FRMD4B: variants seen among roughly 807,000 people sequenced by gnomAD.
FRMD4B encodes the protein FERM domain-containing protein 4B.
In FRMD4B, 74 loss-of-function variants were observed where a neutral mutation model predicts 141.5. The ratio of observed to expected loss-of-function variants is 0.52; its 90% CI spans 0.43 to 0.63. FRMD4B has a LOEUF of 0.63. Ranked by LOEUF, FRMD4B falls within the 30% of genes least tolerant of loss-of-function variation. The probability of loss-of-function intolerance (pLI) is 0.00; values close to 1 mark genes in which losing one functional copy is unlikely to be tolerated. For missense variants in FRMD4B, 1,366 were observed against 1,253.4 expected, an observed-to-expected ratio of 1.09 and a Z score of -1.36; for synonymous variants, 506 against 467.9, an observed-to-expected ratio of 1.08 and a Z score of -1.05.
At chr3:69,200,036 T>C (rs552486338) in intron 11 of FRMD4B, among the ~76,000 whole-genome samples, 1 of 152,282 alleles carries the variant, frequency 6.6e-6, no homozygotes, top group South Asian at 2.1e-4. Context: ...TAAAATTATG[T>C]TCAAAGAATC....
intron 4 of FRMD4B, among the ~76,000 whole-genome samples, chr3:69,300,947 G>A (rs1015264736): frequency 5.3e-5 from 8 of 152,210 alleles, no homozygotes; most frequent in African/African-American, 1.9e-4. Flanking sequence ...TGTTGGCCAG[G>A]CTGGTCTCAT....
chr3:69,337,546 C>T (rs1429729651), intron 1 of FRMD4B, among the ~76,000 whole-genome samples: 1 of 152,160 alleles, frequency 6.6e-6, no homozygotes, highest in Non-Finnish European at 1.5e-5. Flanking sequence ...AAAATTTTTG[C>T]ATCCTACTCA....
intron 1 of FRMD4B, among the ~76,000 whole-genome samples, chr3:69,436,333 T>C (rs1032086625): frequency 1.3e-5 from 2 of 152,176 alleles, no homozygotes; most frequent in African/African-American, 2.4e-5. Context: ...GACGGAAATA[T>C]ATACAATGCT....
chr3:69,390,817 T>G (rs1258639085), upstream of FRMD4B, among the ~76,000 whole-genome samples: 3 of 152,116 alleles, frequency 2.0e-5, no homozygotes, highest in Admixed American at 2.0e-4. Flanking sequence ...TGCTTGAACC[T>G]GGAAGGTGGA....
intron 1 of FRMD4B, among the ~76,000 whole-genome samples, chr3:69,345,070 G>A (rs368577403): frequency 6.6e-6 from 1 of 152,056 alleles, no homozygotes; most frequent in African/African-American, 2.4e-5. Flanking sequence ...AAGGGGTCAG[G>A]GAATTCCCTT....
At chr3:69,502,554 T>C (rs1008452650) in intron 1 of FRMD4B, among the ~76,000 whole-genome samples, 1 of 152,178 alleles carries the variant, frequency 6.6e-6, no homozygotes. Flanking sequence ...AAGACTTAAA[T>C]GTTAGAACTA....
chr3:69,369,112 C>G (rs1703752868), intron 1 of FRMD4B, among the ~76,000 whole-genome samples: 1 of 152,140 alleles, frequency 6.6e-6, no homozygotes, highest in African/African-American at 2.4e-5. Flanking sequence ...CAGAGTCATA[C>G]TATAAGTTTA....
chr3:69,214,695 C>T (rs2093121377), intron 11 of FRMD4B, among the ~76,000 whole-genome samples: 1 of 151,812 alleles, frequency 6.6e-6, no homozygotes, highest in South Asian at 2.1e-4. Context: ...TTTGTCTCTG[C>T]AAAAAACTTT....
intron 1 of FRMD4B, among the ~76,000 whole-genome samples, chr3:69,513,340 A>G (rs939562295): frequency 1.3e-5 from 2 of 152,174 alleles, no homozygotes; most frequent in African/African-American, 4.8e-5. Context: ...ACAACCTATC[A>G]AGACTGAATC....
At chr3:69,507,077 C>T (rs1706608500) in intron 1 of FRMD4B, among the ~76,000 whole-genome samples, 1 of 152,022 alleles carries the variant, frequency 6.6e-6, no homozygotes, top group South Asian at 2.1e-4. Flanking sequence ...TTCTGAAGCC[C>T]CAAGATGGGC....
chr3:69,218,587 A>G (rs868578559), intron 9 of FRMD4B, among the ~76,000 whole-genome samples: 42 of 152,200 alleles, frequency 2.8e-4, no homozygotes, highest in African/African-American at 1.0e-3. Flanking sequence ...TAGAACCTCA[A>G]TTTCATAAAG....
At chr3:69,432,644 T>C (rs1322531431) in exon 2 of FRMD4B, 3 of 152,252 alleles carry the variant, frequency 2.0e-5, no homozygotes, top group Admixed American at 2.0e-4. Flanking sequence ...CTTTAACTAG[T>C]AAGTATTCTC....
At chr3:69,498,545 T>G (rs1310433624) in intron 1 of FRMD4B, among the ~76,000 whole-genome samples, 2 of 152,228 alleles carry the variant, frequency 1.3e-5, no homozygotes, top group Non-Finnish European at 1.5e-5. Context: ...AAGTATTTTC[T>G]GGGAATTGTT....
Position 69,260,385 on chromosome 3 carries a change from G to A in FRMD4B, c.502-10286C>T, listed in dbSNP as rs371037116. On this transcript the variant is annotated intron_variant, in intron 5 of 22. Transcript: ENST00000398540. Reference sequence around the variant, plus strand: ...GCACCCGGAGCGGCTGGTCGTCGCCGCCAGCCCTGGGCAGTGAGGGGCTTA... The same window carrying A: ...GCACCCGGAGCGGCTGGTCGTCGCCACCAGCCCTGGGCAGTGAGGGGCTTA... Among the ~76,000 whole-genome samples, 447 of 152,330 alleles carry A rather than the reference G, an allele frequency of 2.9e-3. 4 individuals are homozygous for A. Among genetic ancestry groups the A allele is most frequent in the African/African-American group, 0.01 (424 of 41,582 alleles).
intron 1 of FRMD4B, among the ~76,000 whole-genome samples, chr3:69,462,118 A>C (rs1048031808): frequency 6.6e-6 from 1 of 152,262 alleles, no homozygotes; most frequent in South Asian, 2.1e-4. Flanking sequence ...ACCAGGAAGC[A>C]TAGGTAGGGA....
chr3:69,249,196 C>A (rs1489563107), intron 7 of FRMD4B, 30 bp downstream of exon 7: 4 of 1,421,388 alleles, frequency 2.8e-6, no homozygotes, highest in Non-Finnish European at 3.9e-6. Flanking sequence ...GGTTATTTTG[C>A]ATAGTAATAT....
At chr3:69,285,785 G>A (rs143407003) in intron 5 of FRMD4B, among the ~76,000 whole-genome samples, 35 of 151,986 alleles carry the variant, frequency 2.3e-4, no homozygotes, top group East Asian at 3.9e-4. Flanking sequence ...CAGAAGTTGC[G>A]GTGATCTGAG....
intron 11 of FRMD4B, among the ~76,000 whole-genome samples, chr3:69,206,268 T>A (rs1398166214): frequency 6.6e-6 from 1 of 152,102 alleles, no homozygotes; most frequent in African/African-American, 2.4e-5. Flanking sequence ...GAAAATTGCT[T>A]GAACACAGGA....
At chr3:69,516,136 G>C (rs940049787) in intron 1 of FRMD4B, among the ~76,000 whole-genome samples, 4 of 152,164 alleles carry the variant, frequency 2.6e-5, no homozygotes, top group South Asian at 2.1e-4. Context: ...GAGGCAGGAA[G>C]ATTGCTTCAA....
Sources: gnomAD v4.1 joint callset for allele counts (sites outside exome capture counted in the v4.1 genomes callset) on GRCh38, gnomAD v4.1.1 for gene constraint, MANE v1.5 for transcripts, NCBI Gene and HGNC (gene_info 2026-07-23, HGNC 2026-07-21) for gene names.